The following FHIT variants were observed in gnomAD, a reference collection of about 807,000 sequenced individuals.
The protein encoded by FHIT is fragile histidine triad diadenosine triphosphatase.
A neutral mutation model predicts 17.9 loss-of-function variants in FHIT; 19 were observed. That is an observed-to-expected ratio of 1.06 (90% confidence interval 0.74 to 1.56). The LOEUF (loss-of-function observed/expected upper bound fraction) is 1.56, where lower values mean the gene tolerates loss of function less well. Ranked by LOEUF, FHIT falls within the 40% of genes most tolerant of loss-of-function variation. The probability of loss-of-function intolerance (pLI) is 0.00; values close to 1 mark genes in which losing one functional copy is unlikely to be tolerated. For synonymous variants in FHIT, 81 were observed against 69.7 expected, an observed-to-expected ratio of 1.16 and a Z score of -0.81; for missense variants, 248 against 189.2, an observed-to-expected ratio of 1.31 and a Z score of -1.82.
At chr3:61,129,538 T>G (rs1386668003) in intron 2 of FHIT, among the ~76,000 whole-genome samples, 1 of 152,150 alleles carries the variant, frequency 6.6e-6, no homozygotes, top group Non-Finnish European at 1.5e-5. Flanking sequence ...GATGCTGAAT[T>G]CACTTTTTCA....
chr3:60,287,679 G>C (rs556821767), intron 5 of FHIT, among the ~76,000 whole-genome samples: 2 of 152,238 alleles, frequency 1.3e-5, no homozygotes, highest in Non-Finnish European at 2.9e-5. Flanking sequence ...TCATCATCAA[G>C]TATTATGTGC....
intron 5 of FHIT, among the ~76,000 whole-genome samples, chr3:60,521,279 GCT>G (rs1263419631): frequency 6.6e-6 from 1 of 151,884 alleles, no homozygotes; most frequent in African/African-American, 2.4e-5. Flanking sequence ...GCGGAGGCTT[GCT>G]CTGTCTCCCA....
chr3:61,036,118 G>A (rs552187712), intron 3 of FHIT, among the ~76,000 whole-genome samples: 54 of 152,270 alleles, frequency 3.5e-4, no homozygotes, highest in African/African-American at 9.9e-4. Flanking sequence ...GCATCTGCTC[G>A]GCTTCTGGGG....
intron 1 of FHIT, among the ~76,000 whole-genome samples, chr3:61,203,311 T>G (rs1980311): frequency 0.43 from 65,301 of 150,858 alleles, 14,498 homozygotes; most frequent in East Asian, 0.58. Flanking sequence ...ATTGCACCAT[T>G]GCACTCCAGC....
intron 5 of FHIT, 44 bp from the exon 6 acceptor site, chr3:60,014,196 G>C: frequency 1.2e-6 from 2 of 1,607,266 alleles, no homozygotes; most frequent in Non-Finnish European, 1.7e-6. Context: ...GCTTTGGGTA[G>C]TGTTCTTACC....
At chr3:60,362,542 A>T (rs1484047859) in intron 5 of FHIT, among the ~76,000 whole-genome samples, 1 of 152,168 alleles carries the variant, frequency 6.6e-6, no homozygotes, top group Non-Finnish European at 1.5e-5. Flanking sequence ...TGTGTTAGTT[A>T]CCTCTTTATC....
intron 4 of FHIT, among the ~76,000 whole-genome samples, chr3:60,786,512 C>T (rs1231493018): frequency 6.6e-6 from 1 of 152,178 alleles, no homozygotes; most frequent in Non-Finnish European, 1.5e-5. Flanking sequence ...TTTCACCCTA[C>T]CTGAGTCTGT....
intron 7 of FHIT, among the ~76,000 whole-genome samples, chr3:59,929,890 C>A (rs1464726660): frequency 6.7e-6 from 1 of 149,878 alleles, no homozygotes; most frequent in Non-Finnish European, 1.5e-5. Flanking sequence ...TCAATTGCCC[C>A]AGACAAAAAC....
intron 5 of FHIT, among the ~76,000 whole-genome samples, chr3:60,063,623 C>T (rs184967599): frequency 1.3e-5 from 2 of 152,336 alleles, no homozygotes; most frequent in African/African-American, 2.4e-5. Context: ...GATTTTCCTT[C>T]TGTCTGGTTG....
intron 5 of FHIT, among the ~76,000 whole-genome samples, chr3:60,207,968 G>C (rs138539958): frequency 6.6e-6 from 1 of 152,276 alleles, no homozygotes; most frequent in African/African-American, 2.4e-5. Context: ...GCTGGTAAGA[G>C]CAAACTGCAT....
chr3:60,325,636 T>C (rs960038665), intron 5 of FHIT, among the ~76,000 whole-genome samples: 2 of 152,212 alleles, frequency 1.3e-5, no homozygotes, highest in Admixed American at 1.3e-4. Flanking sequence ...AATAAAACAA[T>C]GATGTAGATA....
chr3:60,701,211 C>A (rs1553702028), intron 4 of FHIT, among the ~76,000 whole-genome samples: 1 of 150,194 alleles, frequency 6.7e-6, no homozygotes, highest in Non-Finnish European at 1.5e-5. Context: ...GCAGCCTCGA[C>A]TTCCCTGGCT....
At chr3:60,149,901 A>G (rs1700390010) in intron 5 of FHIT, among the ~76,000 whole-genome samples, 1 of 151,218 alleles carries the variant, frequency 6.6e-6, no homozygotes, top group Non-Finnish European at 1.5e-5. Flanking sequence ...TGTAATGTCT[A>G]CAGCAGAAAT....
chr3:60,425,315 T>G (rs1461834488), intron 5 of FHIT, among the ~76,000 whole-genome samples: 1 of 152,094 alleles, frequency 6.6e-6, no homozygotes, highest in East Asian at 1.9e-4. Flanking sequence ...AGACAAAAAT[T>G]AAAAACCAGA....
intron 4 of FHIT, among the ~76,000 whole-genome samples, chr3:60,571,335 C>CAAAAAAAAAAAAAAAAAAAAAAA: frequency 3.7e-5 from 2 of 54,676 alleles, no homozygotes; most frequent in African/African-American, 7.7e-5. Context: ...GACTCCATCG[C>CAAAAAAAAAAAAAAAAAAAAAAA]AAAAAAAAAA....
intron 8 of FHIT, among the ~76,000 whole-genome samples, chr3:59,813,674 CTTAT>C (rs892708041): frequency 1.3e-5 from 2 of 152,092 alleles, no homozygotes; most frequent in Admixed American, 1.3e-4. Flanking sequence ...CAAAGATATT[CTTAT>C]TTATTAGGAT....
intron 4 of FHIT, among the ~76,000 whole-genome samples, chr3:60,547,061 T>C (rs1383578147): frequency 1.3e-5 from 2 of 152,260 alleles, no homozygotes; most frequent in Non-Finnish European, 2.9e-5. Flanking sequence ...ATGGGAAAAT[T>C]TGTGCATCTC....
At chr3:60,908,101 T>C (rs1188610665) in intron 3 of FHIT, among the ~76,000 whole-genome samples, 2 of 152,204 alleles carry the variant, frequency 1.3e-5, no homozygotes, top group African/African-American at 2.4e-5. Flanking sequence ...GCAACTGATA[T>C]CTCCTGTGTG....
At chr3:60,232,333 T>C (rs1412523590) in intron 5 of FHIT, among the ~76,000 whole-genome samples, 3 of 152,174 alleles carry the variant, frequency 2.0e-5, no homozygotes, top group Non-Finnish European at 4.4e-5. Context: ...TGGATCTAAA[T>C]AGATCTCAAG....
Sources: gnomAD v4.1 joint callset for allele counts (sites outside exome capture counted in the v4.1 genomes callset) on GRCh38, gnomAD v4.1.1 for gene constraint, MANE v1.5 for transcripts, NCBI Gene and HGNC (gene_info 2026-07-23, HGNC 2026-07-21) for gene names.